Variants in HYDIN observed in about 807,000 individuals in gnomAD.
The protein encoded by HYDIN is HYDIN axonemal central pair apparatus protein.
HYDIN carries 132 observed loss-of-function variants against 403.9 expected under a neutral mutation model. The ratio of observed to expected loss-of-function variants is 0.33; its 90% confidence interval spans 0.28 to 0.38. HYDIN has a LOEUF of 0.38. Ranked by LOEUF, HYDIN falls within the 10% of genes least tolerant of loss-of-function variation. HYDIN has a pLI of 1.00. For missense variants in HYDIN, 2,827 were observed against 5,009.5 expected, an observed-to-expected ratio of 0.56 and a Z score of 13.15; for synonymous variants, 1,202 against 1,891.7, an observed-to-expected ratio of 0.64 and a Z score of 9.46.
intron 1 of HYDIN, chr16:71,204,167 C>A (rs2088171436): frequency 5.9e-6 from 1 of 168,966 alleles, no homozygotes; most frequent in Non-Finnish European, 1.3e-5. Flanking sequence ...GTTATTTTTG[C>A]AAACATTATT....
chr16:70,923,376 G>A (rs777190630), intron 45 of HYDIN, among the ~76,000 whole-genome samples: 162 of 140,392 alleles, frequency 1.2e-3, no homozygotes, highest in Non-Finnish European at 2.1e-3. Flanking sequence ...GGTGAGGCAG[G>A]AGAATTGCTT....
In HYDIN at chr16:71,031,837, G is replaced by A. The variant is rs144088117; in HGVS notation, c.2610C>T (p.Thr870=). The change falls in exon 19 of 86, where the codon ACC becomes ACT. Residue 870 remains threonine, a synonymous_variant. Transcript: ENST00000393567. The stretch of plus-strand genomic sequence containing the variant: ...ATGTCAGTGTGTCATTCAGGTTGGC[G>A]GTCAGTGCCAGTTGAACATCAGTTT... ...PPETDVQLAL[T]ANLNDTLTFK... The A allele has an allele frequency of 9.1e-4, 1,083 of 1,195,332 alleles. 12 individuals carry two copies. In the South Asian group the frequency reaches 9.4e-3, roughly 10 times the overall value. The allele number at this position is 1,195,332 out of a possible 1,614,324, so 74.0% of individuals were successfully genotyped here.
chr16:71,057,685 G>A (rs1376577605), intron 18 of HYDIN, among the ~76,000 whole-genome samples: 62 of 151,320 alleles, frequency 4.1e-4, no homozygotes, highest in African/African-American at 1.1e-3. Context: ...GAAAATTTTC[G>A]CAACCTACTC....
intron 40 of HYDIN, among the ~76,000 whole-genome samples, chr16:70,954,486 A>C (rs1469974192): frequency 6.6e-6 from 1 of 151,678 alleles, no homozygotes; most frequent in African/African-American, 2.4e-5. Context: ...GAAAGAAAGA[A>C]AACAACCCCC....
Position 70,849,942 on chromosome 16 carries a change from C to T in HYDIN, c.12657G>A (p.Glu4219=), listed in dbSNP as rs13331105. 4,880 of 620,172 alleles carry T rather than the reference C, an allele frequency of 7.9e-3. 165 individuals carry two copies. In the African/African-American group the frequency reaches 0.08, roughly 10 times the overall value. The allele number at this position is 620,172 out of a possible 1,614,324, so 38.4% of individuals were successfully genotyped here. Residue 4219 remains glutamate (E), a synonymous_variant, in exon 75 of 86, where the codon GAG becomes GAA. Transcript: ENST00000393567. The part of the protein sequence containing the change: ...QTNIINFYEV[E]LNECVQCEFN... Reference sequence around the variant, plus strand: ...ATTCACACTGGACACATTCATTTAACTCCACCTAGGAGACAGAGAACAGAG... The same window carrying T: ...ATTCACACTGGACACATTCATTTAATTCCACCTAGGAGACAGAGAACAGAG...
At chr16:71,163,091 T>C (rs986318903) in intron 5 of HYDIN, among the ~76,000 whole-genome samples, 42 of 151,792 alleles carry the variant, frequency 2.8e-4, no homozygotes, top group Admixed American at 9.8e-4. Context: ...CTAGTTCTCC[T>C]TCAAGCCCAT....
chr16:70,829,886 G>A, intron 80 of HYDIN, 56 bp from the exon 81 acceptor site: 1 of 1,504,640 alleles, frequency 6.6e-7, no homozygotes, highest in South Asian at 1.2e-5. Context: ...TCCGTCTCCA[G>A]GGCCAGAAGT....
chr16:70,982,123 G>A (rs1227895254), intron 28 of HYDIN, among the ~76,000 whole-genome samples: 11 of 135,984 alleles, frequency 8.1e-5, no homozygotes, highest in Admixed American at 1.6e-4. Flanking sequence ...GCAAGACTCC[G>A]TCTCCAAAAA....
rs755762152 is a variant in HYDIN, at chr16:71,066,974, C to A, written c.2075+316G>T. Reference sequence around the variant, plus strand: ...AAAATAAAAATGAGCAGCTCTTCACCTCTTCCTGCTAAAACCTTTCTGGTT... The same window carrying A: ...AAAATAAAAATGAGCAGCTCTTCACATCTTCCTGCTAAAACCTTTCTGGTT... On this transcript the variant is annotated intron_variant, in intron 15 of 85. Coordinates refer to ENST00000393567, the MANE Select transcript of HYDIN (RefSeq NM_001270974.2). 8.7e-6 allele frequency: 6 copies of A among 686,402 alleles called. No individual in the cohort carries two copies. The South Asian group carries it at 9.2e-5, about 10-fold the overall frequency. 42.5% of individuals were successfully genotyped at this position (686,402 alleles called of 1,614,324 possible). A position where few individuals can be genotyped will look rare whatever the true frequency, so the allele number is the denominator to read the frequency against.
At chr16:71,201,316 G>A (rs894684103) in intron 1 of HYDIN, among the ~76,000 whole-genome samples, 9 of 152,112 alleles carry the variant, frequency 5.9e-5, no homozygotes, top group African/African-American at 2.2e-4. Context: ...ATTGACAGCT[G>A]AATCACTGAT....
chr16:70,818,105 A>C (rs1274502138), intron 84 of HYDIN, among the ~76,000 whole-genome samples: 1 of 150,092 alleles, frequency 6.7e-6, no homozygotes, highest in Non-Finnish European at 1.5e-5. Flanking sequence ...CAAAGAAAAC[A>C]AACAAATCAC....
At chr16:70,926,606 T>TATA (rs1225336971) in intron 45 of HYDIN, among the ~76,000 whole-genome samples, 1 of 150,800 alleles carries the variant, frequency 6.6e-6, no homozygotes, top group Non-Finnish European at 1.5e-5. Flanking sequence ...AAACTTAAAG[T>TATA]ATAATAATAA....
At chr16:71,181,429 A>T (rs2086900353) in intron 3 of HYDIN, among the ~76,000 whole-genome samples, 1 of 152,112 alleles carries the variant, frequency 6.6e-6, no homozygotes, top group Non-Finnish European at 1.5e-5. Flanking sequence ...TAAATGTACC[A>T]GATTAGAAAG....
intron 36 of HYDIN, among the ~76,000 whole-genome samples, chr16:70,965,507 C>G (rs2078545627): frequency 6.6e-6 from 1 of 151,808 alleles, no homozygotes; most frequent in African/African-American, 2.4e-5. Context: ...TGTTATTTAT[C>G]TGAAATTCAA....
At chr16:71,217,772 T>C (rs1414108108) in intron 1 of HYDIN, among the ~76,000 whole-genome samples, 1 of 152,188 alleles carries the variant, frequency 6.6e-6, no homozygotes, top group Non-Finnish European at 1.5e-5. Flanking sequence ...CAAAACACAT[T>C]TCCAAGGTTT....
chr16:71,211,791 C>G (rs1193109964), intron 1 of HYDIN, among the ~76,000 whole-genome samples: 1 of 151,764 alleles, frequency 6.6e-6, no homozygotes, highest in Non-Finnish European at 1.5e-5. Flanking sequence ...ACACCATGAG[C>G]AAAAATTTGC....
chr16:71,163,811 A>C (rs1280988947), intron 5 of HYDIN, among the ~76,000 whole-genome samples: 1 of 152,254 alleles, frequency 6.6e-6, no homozygotes, highest in East Asian at 1.9e-4. Context: ...CAGTCTTGTG[A>C]GCAATAATAA....
At chr16:70,808,108 G>T in intron 85 of HYDIN, 46 bp from the exon 86 acceptor site, 1 of 1,552,006 alleles carries the variant, frequency 6.4e-7, no homozygotes, top group East Asian at 2.3e-5. Flanking sequence ...ATCCTGAAGA[G>T]CACACCAGGA....
At chr16:70,818,062 A>C (rs1338871901) in intron 84 of HYDIN, among the ~76,000 whole-genome samples, 1 of 152,214 alleles carries the variant, frequency 6.6e-6, no homozygotes, top group Non-Finnish European at 1.5e-5. Flanking sequence ...TTTTATAATT[A>C]AGAAAAAACA....
Sources: allele counts gnomAD v4.1 joint callset (sites outside exome capture counted in the v4.1 genomes callset), GRCh38; gene constraint gnomAD v4.1.1; transcripts MANE v1.5; gene names NCBI Gene and HGNC (gene_info 2026-07-23, HGNC 2026-07-21).